The following COBL variants were observed in gnomAD, a reference collection of about 807,000 sequenced individuals.
The protein encoded by COBL is protein cordon-bleu.
COBL carries 51 observed loss-of-function variants against 98.8 expected under a neutral mutation model. That is an observed-to-expected ratio of 0.52 (90% CI 0.41 to 0.65). COBL has a LOEUF of 0.65. Among genes scored for constraint, COBL ranks in the 30% least tolerant of loss-of-function variants. COBL has a pLI of 0.00. For missense variants in COBL, 1,617 were observed against 1,617.5 expected (o/e 1.00, Z 0.01); for synonymous variants, 634 against 651.7 (o/e 0.97, Z 0.41).
intron 6 of COBL, among the ~76,000 whole-genome samples, chr7:51,102,416 A>C (rs1795888776): frequency 6.6e-6 from 1 of 152,158 alleles, no homozygotes; most frequent in African/African-American, 2.4e-5. Context: ...GTTCTAACTT[A>C]AAGAGGACAG....
At chr7:51,234,384 T>C (rs1252186527) in intron 1 of COBL, among the ~76,000 whole-genome samples, 1 of 152,168 alleles carries the variant, frequency 6.6e-6, no homozygotes, top group Non-Finnish European at 1.5e-5. Flanking sequence ...GCTCGCCCAC[T>C]TCCCAAATAA....
chr7:51,134,560 A>AT (rs1251626781), intron 6 of COBL, among the ~76,000 whole-genome samples: 1 of 152,242 alleles, frequency 6.6e-6, no homozygotes, highest in East Asian at 1.9e-4. Context: ...CACCATCTAC[A>AT]TTTTATCGCA....
chr7:51,157,196 C>A (rs1178828869), intron 5 of COBL, among the ~76,000 whole-genome samples: 1 of 152,166 alleles, frequency 6.6e-6, no homozygotes, highest in African/African-American at 2.4e-5. Flanking sequence ...CATGGTGAAA[C>A]CCCATCTCTA....
At chr7:51,293,518 G>A (rs1801108355) in intron 1 of COBL, among the ~76,000 whole-genome samples, 1 of 152,186 alleles carries the variant, frequency 6.6e-6, no homozygotes. Flanking sequence ...AATGGTGGTT[G>A]AGGGGCGCAG....
Position 51,027,978 on chromosome 7 carries a change from A to T in COBL, c.3118T>A (p.Ser1040Thr), listed in dbSNP as rs547420267. The change falls in exon 10 of 13, where the codon TCT (serine) becomes ACT (threonine). Residue 1040 changes from serine to threonine, a missense_variant. Physicochemically the swap from Ser to Thr is moderately conservative, Grantham distance 58. Transcript: ENST00000265136. ...TCGCCGTGGCCTGGGGCGCGCACAG[A>T]GCCATTGACCAGCTCCCTGCTGCAG... ...QACSRELVNG[S>T]VRAPGHGEPS... 1.9e-6 allele frequency: 3 copies of T among 1,605,914 alleles called. No individual in the cohort carries two copies. Among genetic ancestry groups the T allele is most frequent in the Non-Finnish European group, 2.6e-6 (3 of 1,175,466 alleles).
At chr7:51,242,889 G>A (rs558826922) in intron 1 of COBL, among the ~76,000 whole-genome samples, 1 of 152,250 alleles carries the variant, frequency 6.6e-6, no homozygotes, top group South Asian at 2.1e-4. Context: ...CAAGGTACCT[G>A]ACACCGAGGA....
At chr7:51,020,175 G>A (rs1786785511) in intron 12 of COBL, among the ~76,000 whole-genome samples, 1 of 152,188 alleles carries the variant, frequency 6.6e-6, no homozygotes, top group African/African-American at 2.4e-5. Context: ...CGGAAGGGCT[G>A]GGAGAAGTCA....
intron 1 of COBL, among the ~76,000 whole-genome samples, chr7:51,267,993 C>T (rs1377377870): frequency 6.6e-6 from 1 of 152,200 alleles, no homozygotes; most frequent in Admixed American, 6.5e-5. Context: ...TTTGAGACCA[C>T]GGCTCTATTA....
chr7:51,017,320 A>G lies in COBL; in HGVS notation c.*231T>C. 1.7e-6 allele frequency: 1 copy of G among 600,698 alleles called. No individual in the cohort carries two copies. The highest frequency in any genetic ancestry group is 2.1e-5 in the South Asian group (1 of 48,598). The allele number at this position is 600,698 out of a possible 1,614,324, so 37.2% of individuals were successfully genotyped here. A position where few individuals can be genotyped will look rare whatever the true frequency, so the allele number is the denominator to read the frequency against. ...GAATCGTTTATTAGCAACTTAAGAT[A>G]TTCAGAGGCAAAACACATTTCCTTG... On this transcript the variant is annotated 3_prime_UTR_variant, in exon 13 of 13. Coordinates refer to ENST00000265136, the MANE Select transcript of COBL (RefSeq NM_015198.5).
chr7:51,037,725 G>A (rs541159469), intron 8 of COBL, among the ~76,000 whole-genome samples: 3 of 152,208 alleles, frequency 2.0e-5, no homozygotes, highest in Non-Finnish European at 4.4e-5. Context: ...GGACTCTGAT[G>A]TTCCCTTTAC....
At chr7:51,243,776 G>T (rs764097762) in intron 1 of COBL, among the ~76,000 whole-genome samples, 20 of 152,112 alleles carry the variant, frequency 1.3e-4, no homozygotes, top group Non-Finnish European at 4.4e-5. Flanking sequence ...GCCTGAAAGG[G>T]GGTAGAGGGA....
intron 1 of COBL, among the ~76,000 whole-genome samples, chr7:51,243,432 T>G (rs1795990503): frequency 6.6e-6 from 1 of 152,248 alleles, no homozygotes; most frequent in Non-Finnish European, 1.5e-5. Context: ...CTACGGGATC[T>G]ATTGGAAATT....
chr7:51,224,336 C>T (rs891687772), intron 1 of COBL, among the ~76,000 whole-genome samples: 1 of 151,688 alleles, frequency 6.6e-6, no homozygotes, highest in Non-Finnish European at 1.5e-5. Context: ...AGAAACACTG[C>T]GTACTTATAA....
Position 51,017,076 on chromosome 7 carries a change from A to G in COBL, c.*475T>C, listed in dbSNP as rs368872029. 42 of 411,560 alleles carry G rather than the reference A, an allele frequency of 1.0e-4. 1 individual carries two copies. Among genetic ancestry groups the G allele is most frequent in the East Asian group, 4.6e-4 (13 of 28,550 alleles). The allele number at this position is 411,560 out of a possible 1,614,324, so 25.5% of individuals were successfully genotyped here. ...TCTTACTACCAAAACACACAGCATC[A>G]TGGAGCATATCACATTCAGATTGTT... On this transcript the variant is annotated 3_prime_UTR_variant, in exon 13 of 13. Coordinates refer to ENST00000265136, the MANE Select transcript of COBL (RefSeq NM_015198.5).
intron 1 of COBL, among the ~76,000 whole-genome samples, chr7:51,250,378 T>A (rs374092735): frequency 6.6e-6 from 1 of 152,226 alleles, no homozygotes; most frequent in Non-Finnish European, 1.5e-5. Flanking sequence ...TTAAATATTA[T>A]GTAAACTGAT....
At position 51,306,200 on chromosome 7, in the gene COBL, G is replaced by A. The variant is rs141935809; in HGVS notation, c.41+10393C>T. On this transcript the variant is annotated intron_variant, in intron 1 of 12. Transcript: ENST00000265136. ...GGCGGCTTGGAAGTGCCACACACCA[G>A]GGCTATTTTCTCTCCGTGCTCAGTT... 4.1e-4 allele frequency among the ~76,000 whole-genome samples: 62 copies of A among 152,276 alleles called. No homozygotes were observed. The East Asian group carries it at 9.7e-3, about 24-fold the overall frequency.
rs76358311 is a variant in COBL at position 51,276,371 on chromosome 7, G to T, written c.41+40222C>A. ...GGGGTTCCTTCTGGGAAAGGCGAAT[G>T]GAACCTGAGCTTCTATGAAAGGAGT... On this transcript the variant is annotated intron_variant, in intron 1 of 12. Transcript: ENST00000265136. 3.6e-3 allele frequency among the ~76,000 whole-genome samples: 550 copies of T among 152,330 alleles called. 1 individual carries two copies. Among genetic ancestry groups the T allele is most frequent in the African/African-American group, 0.012 (508 of 41,578 alleles).
intron 5 of COBL, among the ~76,000 whole-genome samples, chr7:51,155,836 T>C (rs928070985): frequency 2.0e-5 from 3 of 152,236 alleles, no homozygotes; most frequent in East Asian, 3.9e-4. Context: ...CTGAAGCATC[T>C]ACTCTAGGTC....
chr7:51,125,335 A>G (rs1798099430), intron 6 of COBL, among the ~76,000 whole-genome samples: 1 of 152,194 alleles, frequency 6.6e-6, no homozygotes, highest in African/African-American at 2.4e-5. Context: ...CAAGCCAAGG[A>G]GGAGCCTCAG....
Sources: gnomAD v4.1 joint callset for allele counts (sites outside exome capture counted in the v4.1 genomes callset) on GRCh38, gnomAD v4.1.1 for gene constraint, MANE v1.5 for transcripts, NCBI Gene and HGNC (gene_info 2026-07-23, HGNC 2026-07-21) for gene names.